NEK1: variants seen among roughly 807,000 people sequenced by gnomAD.
NEK1 encodes serine/threonine-protein kinase Nek1.
Under a neutral mutation model 182.1 loss-of-function variants are expected in NEK1, and 137 were observed. The ratio of observed to expected loss-of-function variants is 0.75; its 90% CI spans 0.65 to 0.87. The LOEUF is 0.87. NEK1 is among the 40% of genes least tolerant of loss of function. The pLI is 0.00. For synonymous variants in NEK1, 513 were observed against 492.2 expected (o/e 1.04, Z -0.56); for missense variants, 1,391 against 1,494.4 (o/e 0.93, Z 1.14).
chr4:169,567,437 G>A (rs1032980467), intron 12 of NEK1, among the ~76,000 whole-genome samples: 25 of 151,044 alleles, frequency 1.7e-4, no homozygotes, highest in Non-Finnish European at 2.8e-4. Flanking sequence ...GTCTCGCTCT[G>A]TCACCTGGGC....
intron 31 of NEK1, among the ~76,000 whole-genome samples, chr4:169,420,637 T>C (rs1420468986): frequency 6.6e-6 from 1 of 152,348 alleles, no homozygotes; most frequent in South Asian, 2.1e-4. Flanking sequence ...ATGTGATGCA[T>C]GACTGCCTAT....
chr4:169,399,170 A>G (rs1425082253), intron 35 of NEK1, among the ~76,000 whole-genome samples: 6 of 152,100 alleles, frequency 3.9e-5, no homozygotes, highest in African/African-American at 1.4e-4. Flanking sequence ...ACTTGAACCC[A>G]GGAGGCAGAG....
intron 23 of NEK1, among the ~76,000 whole-genome samples, chr4:169,501,563 T>C (rs912436595): frequency 2.0e-5 from 3 of 152,100 alleles, no homozygotes; most frequent in African/African-American, 7.2e-5. Flanking sequence ...TCTTGGACCA[T>C]AGTAGAATAA....
chr4:169,498,736 A>C (rs1751845474), intron 23 of NEK1, among the ~76,000 whole-genome samples: 1 of 151,944 alleles, frequency 6.6e-6, no homozygotes, highest in East Asian at 1.9e-4. Context: ...AATGGCCCCC[A>C]CTCTCTTCTG....
intron 29 of NEK1, among the ~76,000 whole-genome samples, chr4:169,427,979 C>A (rs1020618767): frequency 6.6e-6 from 1 of 151,082 alleles, no homozygotes. Context: ...CACATGCAAC[C>A]ATGCCTGGCT....
chr4:169,446,800 AC>A (rs1459287574), intron 27 of NEK1, among the ~76,000 whole-genome samples: 1 of 152,198 alleles, frequency 6.6e-6, no homozygotes, highest in Non-Finnish European at 1.5e-5. Context: ...TAATAGCAGA[AC>A]ACATCAAAAG....
chr4:169,481,560 G>A (rs1167095164), intron 23 of NEK1, among the ~76,000 whole-genome samples: 4 of 152,126 alleles, frequency 2.6e-5, no homozygotes, highest in Non-Finnish European at 4.4e-5. Context: ...TGGGTAACTA[G>A]GTGCCTTGTC....
intron 31 of NEK1, among the ~76,000 whole-genome samples, chr4:169,417,683 T>C (rs1734779567): frequency 1.3e-5 from 2 of 152,212 alleles, no homozygotes; most frequent in Non-Finnish European, 2.9e-5. Flanking sequence ...CTTCCAGCTC[T>C]GGCCATGAGA....
intron 19 of NEK1, among the ~76,000 whole-genome samples, chr4:169,514,860 A>G (rs1294351386): frequency 6.6e-6 from 1 of 151,898 alleles, no homozygotes; most frequent in African/African-American, 2.4e-5. Context: ...ATCTATTCTT[A>G]ATTACTTCAT....
chr4:169,441,032 T>G (rs1739351585), intron 27 of NEK1, among the ~76,000 whole-genome samples: 1 of 152,148 alleles, frequency 6.6e-6, no homozygotes, highest in South Asian at 2.1e-4. Context: ...TTTGCAACCT[T>G]GTGACATGAG....
chr4:169,596,225 T>G (rs1409420857), intron 5 of NEK1, among the ~76,000 whole-genome samples: 7 of 152,178 alleles, frequency 4.6e-5, no homozygotes, highest in Non-Finnish European at 1.0e-4. Context: ...TTATGAAAAT[T>G]TATAGACAGA....
At chr4:169,459,775 A>G (rs1233735857) in intron 27 of NEK1, among the ~76,000 whole-genome samples, 1 of 152,212 alleles carries the variant, frequency 6.6e-6, no homozygotes, top group Non-Finnish European at 1.5e-5. Flanking sequence ...AAACCATCCA[A>G]TCTGAAAAGA....
intron 30 of NEK1, among the ~76,000 whole-genome samples, chr4:169,425,294 C>T (rs1561164587): frequency 6.6e-6 from 1 of 152,124 alleles, no homozygotes; most frequent in Non-Finnish European, 1.5e-5. Context: ...TGTAGTAGCG[C>T]ATGCCTATAG....
In NEK1 at chr4:169,610,640, A is replaced by C. The variant is rs535628388; in HGVS notation, c.-49+1380T>G. The stretch of plus-strand genomic sequence containing the variant: ...TAAGAATTTCTTTAAAGCCACAAAT[A>C]AGCAATTTTGGACATAATAAAATTT... On this transcript the variant is annotated intron_variant, in intron 2 of 35. Transcript: ENST00000507142. Among the ~76,000 whole-genome samples, 7 of 152,344 alleles carry C rather than the reference A, an allele frequency of 4.6e-5. No homozygotes were observed. In the East Asian group the frequency reaches 1.4e-3, roughly 29 times the overall value.
chr4:169,480,007 C>T (rs1747694383), intron 23 of NEK1, among the ~76,000 whole-genome samples: 1 of 152,122 alleles, frequency 6.6e-6, no homozygotes, highest in African/African-American at 2.4e-5. Context: ...ATAAGATTTA[C>T]TTCACTGAAA....
intron 26 of NEK1, among the ~76,000 whole-genome samples, chr4:169,474,787 CT>C (rs1361336033): frequency 1.3e-5 from 2 of 152,176 alleles, no homozygotes; most frequent in Non-Finnish European, 2.9e-5. Context: ...CTCCTAGTAT[CT>C]TTTAAATATC....
At chr4:169,515,636 A>T in intron 19 of NEK1, among the ~76,000 whole-genome samples, 1 of 105,848 alleles carries the variant, frequency 9.4e-6, no homozygotes, top group South Asian at 4.3e-4. Context: ...ATATCTCCCA[A>T]TGCTATCCCT....
At chr4:169,416,494 T>C (rs1428364380) in intron 31 of NEK1, among the ~76,000 whole-genome samples, 2 of 152,244 alleles carry the variant, frequency 1.3e-5, no homozygotes, top group Non-Finnish European at 2.9e-5. Context: ...CATAAAGATA[T>C]ATTAATGTAC....
intron 5 of NEK1, among the ~76,000 whole-genome samples, chr4:169,598,516 ATCAGAGTAAATAC>A (rs1413179212): frequency 1.3e-5 from 2 of 152,202 alleles, no homozygotes; most frequent in African/African-American, 4.8e-5. Context: ...AAATGAAATA[ATCAGAGTAAATAC>A]ACAGGAAGGA....
Sources: gnomAD v4.1 joint callset for allele counts (sites outside exome capture counted in the v4.1 genomes callset) on GRCh38, gnomAD v4.1.1 for gene constraint, MANE v1.5 for transcripts, NCBI Gene and HGNC (gene_info 2026-07-23, HGNC 2026-07-21) for gene names.